The following AGA variants were observed in gnomAD, a reference collection of about 807,000 sequenced individuals.
AGA encodes aspartylglucosaminidase, also known as N(4)-(beta-N-acetylglucosaminyl)-L-asparaginase.
A neutral mutation model predicts 40.1 loss-of-function variants in AGA; 31 were observed. The observed-to-expected ratio is 0.77, with a 90% CI of 0.58 to 1.04. AGA has a LOEUF of 1.04. Ranked by LOEUF, AGA falls within the 50% of genes least tolerant of loss-of-function variation. The probability of loss-of-function intolerance (pLI) is 0.00; values close to 1 mark genes in which losing one functional copy is unlikely to be tolerated. For synonymous variants in AGA, 148 were observed against 144.0 expected, an observed-to-expected ratio of 1.03 and a Z score of -0.20; for missense variants, 445 against 435.4, an observed-to-expected ratio of 1.02 and a Z score of -0.20.
intron 7 of AGA, among the ~76,000 whole-genome samples, 170 bp downstream of exon 7, chr4:177,434,212 A>G (rs1168576646): frequency 6.6e-6 from 1 of 152,048 alleles, no homozygotes; most frequent in Non-Finnish European, 1.5e-5. Context: ...CATGTTGGCC[A>G]GGCTGGTCTC....
At chr4:177,435,529 A>G (rs1413098582) in intron 6 of AGA, among the ~76,000 whole-genome samples, 1 of 152,134 alleles carries the variant, frequency 6.6e-6, no homozygotes, top group Non-Finnish European at 1.5e-5. Context: ...TCCGCTTCCT[A>G]TGTAATGTGC....
At position 177,437,285 on chromosome 4, in the gene AGA, G is replaced by C. The variant is rs1330122190; in HGVS notation, c.622+120C>G. On this transcript the variant is annotated intron_variant, in intron 5 of 8. Coordinates refer to ENST00000264595, the MANE Select transcript of AGA (RefSeq NM_000027.4). Reference sequence around the variant, plus strand: ...GACAAGATGGATCTATCTATAGAGAGGCACACTTAATTGGCAGTTAAAACA... The same window carrying C: ...GACAAGATGGATCTATCTATAGAGACGCACACTTAATTGGCAGTTAAAACA... 5.3e-6 allele frequency: 4 copies of C among 760,070 alleles called. No individual in the cohort carries two copies. In the East Asian group the frequency reaches 1.1e-4, roughly 21 times the overall value. 47.1% of individuals were successfully genotyped at this position (760,070 alleles called of 1,614,324 possible).
Position 177,431,806 on chromosome 4 carries a change from C to T in AGA, c.943G>A (p.Ala315Thr). 1 of 1,612,796 alleles carries T rather than the reference C, an allele frequency of 6.2e-7. No homozygotes were observed. The highest frequency in any genetic ancestry group is 8.5e-7 in the Non-Finnish European group (1 of 1,178,930). Residue 315 changes from alanine (A) to threonine (T), a missense_variant and splice_region_variant, in exon 9 of 9, where the codon GCT becomes ACT. Ala to Thr is a moderately conservative substitution (Grantham distance 58). Transcript: ENST00000264595. ...AATGTTGAAAGTTTATTGCAAGCAG[C>T]ACCTGGGGCCAAAAATGAGAAAGAA... ...ICANVTGSYG[A>T]ACNKLSTFTQ...
intron 4 of AGA, among the ~76,000 whole-genome samples, chr4:177,438,233 T>C (rs1216379671): frequency 6.6e-6 from 1 of 152,084 alleles, no homozygotes; most frequent in Non-Finnish European, 1.5e-5. Context: ...AAGAAATAGA[T>C]GAGAGACTAA....
intron 5 of AGA, 58 bp downstream of exon 5, chr4:177,437,347 C>T: frequency 8.5e-7 from 1 of 1,180,386 alleles, no homozygotes; most frequent in South Asian, 1.2e-5. Flanking sequence ...TAGGGAAGAG[C>T]TACAGGAAGA....
At chr4:177,433,104 A>T in intron 8 of AGA, 110 bp downstream of exon 8, 1 of 1,454,968 alleles carries the variant, frequency 6.9e-7, no homozygotes, top group Non-Finnish European at 9.6e-7. Context: ...CCACTTAAGG[A>T]GTCTCTTTTT....
chr4:177,436,446 G>T, intron 5 of AGA, 95 bp from the exon 6 acceptor site: 1 of 991,296 alleles, frequency 1.0e-6, no homozygotes, highest in Non-Finnish European at 1.6e-6. Context: ...GCTGTGCTCT[G>T]AATGTTTGTG....
Position 177,431,360 on chromosome 4 carries a change from T to C in AGA, c.*348A>G. The C allele has an allele frequency of 2.3e-6, 1 of 443,430 alleles. No homozygotes were observed. The highest frequency in any genetic ancestry group is 4.4e-6 in the Non-Finnish European group (1 of 227,352). 27.5% of individuals were successfully genotyped at this position (443,430 alleles called of 1,614,324 possible). A position where few individuals can be genotyped will look rare whatever the true frequency, so the allele number is the denominator to read the frequency against. The stretch of plus-strand genomic sequence containing the variant: ...AAACTTGTATACTCTATTTTAAGCA[T>C]CCAAATATGATGATTCCTTTTGGGT... On this transcript the variant is annotated 3_prime_UTR_variant, in exon 9 of 9. Transcript: ENST00000264595.
Position 177,431,385 on chromosome 4 carries a change from T to C in AGA, c.*323A>G, listed in dbSNP as rs751193045. 6 of 438,846 alleles carry C rather than the reference T, an allele frequency of 1.4e-5. No homozygotes were observed. Among genetic ancestry groups the C allele is most frequent in the Middle Eastern group, 1.5e-3 (2 of 1,354 alleles). The allele number at this position is 438,846 out of a possible 1,614,324, so 27.2% of individuals were successfully genotyped here. A position where few individuals can be genotyped will look rare whatever the true frequency, so the allele number is the denominator to read the frequency against. ...TCCAAATATGATGATTCCTTTTGGG[T>C]TTAATATATCACTGTGGAAATAAAT... is the stretch of plus-strand genomic sequence containing the variant. On this transcript the variant is annotated 3_prime_UTR_variant, in exon 9 of 9. Transcript: ENST00000264595.
chr4:177,442,353 G>T lies in AGA; in HGVS notation c.23C>A (p.Pro8His). The change falls in exon 1 of 9, where the codon CCT becomes CAT. Residue 8 changes from proline to histidine, a missense_variant. Coordinates refer to ENST00000264595, the MANE Select transcript of AGA (RefSeq NM_000027.4). MARKSNLPVLLVPFLLCQ... is the reference protein window; with the variant it reads MARKSNLHVLLVPFLLCQ... ...GAGCAGAAACGGCACGAGAAGCACA[G>T]GCAAGTTCGACTTCCGCGCCATCCC... 6.2e-7 allele frequency: 1 copy of T among 1,614,118 alleles called. No homozygotes were observed. Among genetic ancestry groups the T allele is most frequent in the African/African-American group, 1.3e-5 (1 of 75,066 alleles).
At chr4:177,440,526 C>G in intron 1 of AGA, 100 bp from the exon 2 acceptor site, 1 of 1,271,422 alleles carries the variant, frequency 7.9e-7, no homozygotes, top group Non-Finnish European at 1.1e-6. Context: ...TTCACATTTA[C>G]TGAGTTAAGC....
intron 6 of AGA, among the ~76,000 whole-genome samples, chr4:177,435,015 C>T (rs1371189570): frequency 1.3e-5 from 2 of 152,100 alleles, no homozygotes; most frequent in Non-Finnish European, 2.9e-5. Context: ...TTCTCCCTGC[C>T]TCAGCCTCCT....
chr4:177,439,448 C>T (rs1202367147), intron 3 of AGA, 128 bp downstream of exon 3: 3 of 779,124 alleles, frequency 3.9e-6, no homozygotes, highest in Non-Finnish European at 7.0e-6. Context: ...TTATCCAGTT[C>T]AATAGATGTT....
chr4:177,440,115 T>C (rs547869308), intron 2 of AGA, 158 bp downstream of exon 2: 1 of 853,192 alleles, frequency 1.2e-6, no homozygotes, highest in East Asian at 2.4e-5. Context: ...ATTTTTTTTT[T>C]TCAGTTGAGA....
chr4:177,437,725 G>T (rs894699093), intron 4 of AGA, among the ~76,000 whole-genome samples: 5 of 152,078 alleles, frequency 3.3e-5, no homozygotes, highest in Admixed American at 6.5e-5. Flanking sequence ...TCTAGTCTAA[G>T]AATTAAATAA....
intron 1 of AGA, among the ~76,000 whole-genome samples, chr4:177,440,968 C>G (rs13106192): frequency 0.26 from 39,915 of 151,968 alleles, 6,109 homozygotes; most frequent in Non-Finnish European, 0.34. Context: ...ACTGTACAAT[C>G]ACGACCCTCA....
At chr4:177,440,896 T>C (rs943208202) in intron 1 of AGA, among the ~76,000 whole-genome samples, 1 of 152,154 alleles carries the variant, frequency 6.6e-6, no homozygotes, top group Non-Finnish European at 1.5e-5. Context: ...CAGCAAACAA[T>C]TACAACGTGG....
intron 6 of AGA, among the ~76,000 whole-genome samples, chr4:177,435,674 A>G (rs1459939083): frequency 3.3e-5 from 5 of 151,928 alleles, no homozygotes; most frequent in African/African-American, 9.7e-5. Context: ...CTTATCTTCC[A>G]ATACCACTTC....
In AGA at chr4:177,434,368, C is replaced by G. The variant is rs750823422; in HGVS notation, c.806+14G>C. The G allele has an allele frequency of 4.9e-5, 79 of 1,610,492 alleles. No homozygotes were observed. Among genetic ancestry groups the G allele is most frequent in the Non-Finnish European group, 6.5e-5 (77 of 1,177,274 alleles). ...TCCAAAGGTCTCTAAAATTCACAAA[C>G]TAAGAAGTCATACCTTGGCAGGAAG... On this transcript the variant is annotated intron_variant, in intron 7 of 8. Transcript: ENST00000264595.
Sources: gnomAD v4.1 joint callset for allele counts (sites outside exome capture counted in the v4.1 genomes callset) on GRCh38, gnomAD v4.1.1 for gene constraint, MANE v1.5 for transcripts, NCBI Gene and HGNC (gene_info 2026-07-23, HGNC 2026-07-21) for gene names.